Variants in SLC2A13 observed in about 807,000 individuals in gnomAD.
SLC2A13 encodes proton myo-inositol cotransporter.
Under a neutral mutation model 64.4 loss-of-function variants are expected in SLC2A13, and 32 were observed. The observed-to-expected ratio is 0.50, with a 90% CI of 0.37 to 0.67. The LOEUF (loss-of-function observed/expected upper bound fraction) is 0.67. Ranked by LOEUF, SLC2A13 falls within the 30% of genes least tolerant of loss-of-function variation. SLC2A13 has a pLI of 0.00. For missense variants in SLC2A13, 743 were observed against 829.2 expected (o/e 0.90, Z 1.28); for synonymous variants, 338 against 327.1 (o/e 1.03, Z -0.36).
intron 1 of SLC2A13, among the ~76,000 whole-genome samples, chr12:40,057,993 C>T (rs1043250688): frequency 1.3e-5 from 2 of 151,910 alleles, no homozygotes; most frequent in Non-Finnish European, 2.9e-5. Context: ...ATCTTTCCAT[C>T]TAGGGCATAC....
At chr12:39,895,547 TATATAC>T (rs1944743443) in intron 4 of SLC2A13, among the ~76,000 whole-genome samples, 1 of 83,838 alleles carries the variant, frequency 1.2e-5, no homozygotes, top group African/African-American at 4.5e-5. Context: ...TATATATATA[TATATAC>T]ACACACACAC....
chr12:39,811,179 A>G (rs998344077), intron 7 of SLC2A13, among the ~76,000 whole-genome samples: 1 of 152,084 alleles, frequency 6.6e-6, no homozygotes, highest in Non-Finnish European at 1.5e-5. Flanking sequence ...AATTATAATA[A>G]TAGAAAGTTG....
intron 3 of SLC2A13, among the ~76,000 whole-genome samples, chr12:40,019,636 G>A (rs1158847737): frequency 6.6e-6 from 1 of 152,166 alleles, no homozygotes; most frequent in African/African-American, 2.4e-5. Context: ...TATAGAAATG[G>A]GCATTCAGGA....
In SLC2A13 at chr12:39,871,903, A is replaced by G. The variant is rs764861666; in HGVS notation, c.1093T>C (p.Trp365Arg). The change falls in exon 5 of 10, where the codon TGG becomes CGG. Residue 365 changes from tryptophan (W) to arginine (R), a missense_variant. By Grantham distance (101) the Trp-to-Arg change is moderately radical (BLOSUM62 -3). This residue lies in a region of SLC2A13 where 295 missense variants were observed against 381.7 expected (regional missense o/e 0.77). Transcript: ENST00000280871. ...SGVEDDRLAI[W>R]LASVTAFTNF... is the part of the protein sequence containing the mutation. The stretch of plus-strand genomic sequence containing the variant: ...GTGAAGGCTGTAACTGAAGCCAGCC[A>G]TATTGCAAGTCTATCATCTTCAACA... 1 of 1,611,642 alleles carries G rather than the reference A, an allele frequency of 6.2e-7. No homozygotes were observed. The highest frequency in any genetic ancestry group is 1.1e-5 in the South Asian group (1 of 90,494).
At chr12:40,046,406 C>T (rs770907528) in intron 2 of SLC2A13, among the ~76,000 whole-genome samples, 21 of 151,960 alleles carry the variant, frequency 1.4e-4, no homozygotes, top group Non-Finnish European at 2.2e-4. Flanking sequence ...AATTGTTATG[C>T]GTAAGTGAAA....
chr12:39,830,392 G>C (rs1592180631), intron 6 of SLC2A13, 164 bp from the exon 7 acceptor site: 1 of 1,375,876 alleles, frequency 7.3e-7, no homozygotes, highest in Non-Finnish European at 9.4e-7. Context: ...AGCCAGGTGA[G>C]AGCTGGCTGG....
intron 4 of SLC2A13, among the ~76,000 whole-genome samples, chr12:39,923,694 G>A (rs371338273): frequency 1.3e-3 from 177 of 137,308 alleles, no homozygotes; most frequent in African/African-American, 3.7e-3. Flanking sequence ...ATATGCGCAC[G>A]CGCACACACA....
At chr12:40,017,475 T>C (rs1947638810) in intron 3 of SLC2A13, among the ~76,000 whole-genome samples, 1 of 152,250 alleles carries the variant, frequency 6.6e-6, no homozygotes, top group South Asian at 2.1e-4. Flanking sequence ...TTCTCTCTAT[T>C]GCAAGAGCCT....
intron 4 of SLC2A13, among the ~76,000 whole-genome samples, chr12:39,930,112 CAG>C (rs979375693): frequency 3.2e-4 from 46 of 143,636 alleles, no homozygotes; most frequent in African/African-American, 1.2e-3. Context: ...GCCTGGGTGA[CAG>C]AGTGAGACTT....
chr12:39,853,761 C>T (rs574693237), intron 6 of SLC2A13, among the ~76,000 whole-genome samples: 1 of 152,036 alleles, frequency 6.6e-6, no homozygotes, highest in Admixed American at 6.6e-5. Flanking sequence ...GAAAATAATC[C>T]CATAATCTAT....
At chr12:39,789,757 A>G (rs1381580488) in intron 7 of SLC2A13, among the ~76,000 whole-genome samples, 2 of 152,184 alleles carry the variant, frequency 1.3e-5, no homozygotes, top group African/African-American at 2.4e-5. Context: ...TGGTATGCCA[A>G]TATCGTTCTA....
intron 1 of SLC2A13, 58 bp from the exon 2 acceptor site, chr12:40,048,268 AATACTAATGCTAGATTTAGGC>A (rs796623119): frequency 1.3e-6 from 2 of 1,522,536 alleles, no homozygotes; most frequent in African/African-American, 2.8e-5. Context: ...TGTTGCAATA[AATACTAATGCTAGATTTAGGC>A]ATACACTTAC....
chr12:40,073,818 C>T (rs1292009346), intron 1 of SLC2A13, among the ~76,000 whole-genome samples: 1 of 151,720 alleles, frequency 6.6e-6, no homozygotes, highest in Non-Finnish European at 1.5e-5. Context: ...AGGATTTTTA[C>T]CTTTGATTTT....
chr12:39,949,419 G>A (rs552668911), intron 4 of SLC2A13: 2 of 152,288 alleles, frequency 1.3e-5, no homozygotes, highest in Non-Finnish European at 2.9e-5. Context: ...GATAAGCAAA[G>A]TGCATCTATC....
chr12:39,928,311 T>C (rs11174332), intron 4 of SLC2A13, among the ~76,000 whole-genome samples: 3,133 of 152,266 alleles, frequency 0.021, 99 homozygotes, highest in African/African-American at 0.07. Flanking sequence ...TAGAGAATTC[T>C]ATAAAGTAAA....
At chr12:40,037,721 AG>A (rs1459844033) in intron 2 of SLC2A13, among the ~76,000 whole-genome samples, 1 of 152,112 alleles carries the variant, frequency 6.6e-6, no homozygotes, top group East Asian at 1.9e-4. Context: ...AATAAATAAA[AG>A]GATACTCAAA....
intron 7 of SLC2A13, among the ~76,000 whole-genome samples, chr12:39,823,681 T>TC (rs543134457): frequency 6.6e-6 from 1 of 152,176 alleles, no homozygotes; most frequent in Non-Finnish European, 1.5e-5. Flanking sequence ...ACTCCTGGGC[T>TC]CAAGTGATCC....
At chr12:40,027,539 C>A (rs1027202147) in intron 3 of SLC2A13, among the ~76,000 whole-genome samples, 19 of 152,174 alleles carry the variant, frequency 1.2e-4, no homozygotes, top group African/African-American at 4.6e-4. Context: ...GTAGACTGGA[C>A]AGACCTTCTA....
chr12:39,945,806 C>T (rs1946122050), intron 4 of SLC2A13, among the ~76,000 whole-genome samples: 1 of 152,056 alleles, frequency 6.6e-6, no homozygotes, highest in Non-Finnish European at 1.5e-5. Flanking sequence ...TTCTCTGGTC[C>T]CTCCCTGATT....
Sources: gnomAD v4.1 joint callset for allele counts (sites outside exome capture counted in the v4.1 genomes callset) on GRCh38, gnomAD v4.1.1 for gene constraint, gnomAD v4.1.1 regional missense constraint, MANE v1.5 for transcripts, NCBI Gene and HGNC (gene_info 2026-07-23, HGNC 2026-07-21) for gene names.